ESRRG: variants seen among roughly 807,000 people sequenced by gnomAD.
The protein encoded by ESRRG is estrogen related receptor gamma, also known as estrogen-related receptor gamma.
ESRRG carries 13 observed loss-of-function variants against 44.0 expected under a neutral mutation model. The ratio of observed to expected loss-of-function variants is 0.30; its 90% CI spans 0.19 to 0.47. The LOEUF (loss-of-function observed/expected upper bound fraction) is 0.47, where lower values mean the gene tolerates loss of function less well. ESRRG is among the 20% of genes least tolerant of loss of function. ESRRG has a pLI of 1.00. For synonymous variants in ESRRG, 215 were observed against 214.6 expected, an observed-to-expected ratio of 1.00 and a Z score of -0.02; for missense variants, 395 against 580.6, an observed-to-expected ratio of 0.68 and a Z score of 3.29.
At chr1:217,004,370 G>C (rs1165673775) in intron 1 of ESRRG, among the ~76,000 whole-genome samples, 1 of 152,130 alleles carries the variant, frequency 6.6e-6, no homozygotes, top group Admixed American at 6.5e-5. Context: ...TAGTGGTAGT[G>C]AATAAGTCTC....
intron 1 of ESRRG, among the ~76,000 whole-genome samples, chr1:217,096,272 G>C (rs934648026): frequency 6.6e-6 from 1 of 152,168 alleles, no homozygotes; most frequent in Non-Finnish European, 1.5e-5. Context: ...TTTTAGAAGG[G>C]AGAAAGAGTT....
At chr1:216,918,856 A>G (rs1211202319) in intron 2 of ESRRG, among the ~76,000 whole-genome samples, 1 of 148,302 alleles carries the variant, frequency 6.7e-6, no homozygotes, top group Non-Finnish European at 1.5e-5. Flanking sequence ...ATAATAATAT[A>G]TATATTATAG....
At chr1:217,015,093 C>A (rs145057493) in intron 1 of ESRRG, among the ~76,000 whole-genome samples, 1 of 152,248 alleles carries the variant, frequency 6.6e-6, no homozygotes, top group Non-Finnish European at 1.5e-5. Context: ...AACCCGAATC[C>A]AATCATCTCT....
At chr1:216,569,947 A>G (rs1448180657) in intron 3 of ESRRG, among the ~76,000 whole-genome samples, 1 of 152,190 alleles carries the variant, frequency 6.6e-6, no homozygotes, top group East Asian at 1.9e-4. Context: ...AATACCGATT[A>G]ATGTCACGCA....
intron 3 of ESRRG, among the ~76,000 whole-genome samples, chr1:216,642,072 T>C (rs2066543329): frequency 6.6e-6 from 1 of 152,142 alleles, no homozygotes; most frequent in Non-Finnish European, 1.5e-5. Context: ...AATACATACA[T>C]GAATATTTCT....
intron 2 of ESRRG, among the ~76,000 whole-genome samples, chr1:216,736,862 G>A (rs1199650310): frequency 1.3e-5 from 2 of 152,150 alleles, no homozygotes; most frequent in Non-Finnish European, 2.9e-5. Context: ...ATGCCAAGAT[G>A]TGAGAATAGG....
At chr1:216,771,188 T>A (rs572344160) in intron 2 of ESRRG, among the ~76,000 whole-genome samples, 13 of 152,210 alleles carry the variant, frequency 8.5e-5, no homozygotes, top group Admixed American at 3.3e-4. Flanking sequence ...AACAAAACTA[T>A]CATAATTCAA....
intron 2 of ESRRG, among the ~76,000 whole-genome samples, chr1:216,912,148 AAG>A (rs1434349693): frequency 3.0e-5 from 1 of 33,324 alleles, no homozygotes; most frequent in Non-Finnish European, 5.4e-5. Flanking sequence ...AAGAAAAGAA[AAG>A]AAAAGAAAAG....
intron 3 of ESRRG, among the ~76,000 whole-genome samples, chr1:216,596,530 G>A (rs890773717): frequency 6.6e-6 from 1 of 152,176 alleles, no homozygotes; most frequent in African/African-American, 2.4e-5. Context: ...GCTTGGGAGT[G>A]CAGGGAGGGA....
chr1:217,079,392 G>A (rs998406824), intron 1 of ESRRG, among the ~76,000 whole-genome samples: 35 of 152,326 alleles, frequency 2.3e-4, no homozygotes, highest in East Asian at 1.9e-4. Context: ...GGTAGCACGG[G>A]AGAATGTTCC....
At chr1:216,793,762 T>G (rs1409033802) in intron 2 of ESRRG, among the ~76,000 whole-genome samples, 1 of 152,196 alleles carries the variant, frequency 6.6e-6, no homozygotes, top group East Asian at 1.9e-4. Context: ...GTTTTTGTTT[T>G]GTTTTGCTTT....
At chr1:216,955,409 T>C (rs1373992736) in intron 1 of ESRRG, among the ~76,000 whole-genome samples, 16 of 152,164 alleles carry the variant, frequency 1.1e-4, no homozygotes, top group Non-Finnish European at 4.4e-5. Context: ...TCCATTGTGT[T>C]GATATACCAC....
intron 2 of ESRRG, among the ~76,000 whole-genome samples, chr1:216,880,202 G>A (rs2096421336): frequency 6.7e-6 from 1 of 149,334 alleles, no homozygotes; most frequent in African/African-American, 2.5e-5. Flanking sequence ...AGCTACTCTG[G>A]AGGCTGAGGC....
chr1:216,859,484 T>C (rs1466986889), intron 2 of ESRRG, among the ~76,000 whole-genome samples: 1 of 152,228 alleles, frequency 6.6e-6, no homozygotes, highest in African/African-American at 2.4e-5. Context: ...TTTCAAGTGT[T>C]CAATTGAATA....
chr1:216,849,510 C>T (rs2095809191), intron 2 of ESRRG, among the ~76,000 whole-genome samples: 1 of 151,970 alleles, frequency 6.6e-6, no homozygotes, highest in East Asian at 1.9e-4. Context: ...ACTCAGATTC[C>T]ACTAGTTTCT....
At chr1:216,924,490 G>C (rs1457020457) in intron 2 of ESRRG, among the ~76,000 whole-genome samples, 1 of 152,038 alleles carries the variant, frequency 6.6e-6, no homozygotes, top group Admixed American at 6.6e-5. Flanking sequence ...GCTTCTTCTG[G>C]TTCATTCCAT....
rs374165863 is a variant in ESRRG at position 217,064,662 on chromosome 1, G to T, written c.-106+24845C>A. ...AGCTAACAGGTACAAAATATCAGAA[G>T]TTGTCCAAAATACAGGCATTCCTTA... On this transcript the variant is annotated intron_variant, in intron 1 of 7. Coordinates refer to the ESRRG transcript ENST00000359162. 1.6e-3 allele frequency among the ~76,000 whole-genome samples: 244 copies of T among 152,286 alleles called. 1 individual carries two copies. Among genetic ancestry groups the T allele is most frequent in the African/African-American group, 5.5e-3 (227 of 41,568 alleles).
intron 1 of ESRRG, among the ~76,000 whole-genome samples, chr1:216,696,127 T>C (rs2080112875): frequency 6.6e-6 from 1 of 152,236 alleles, no homozygotes; most frequent in African/African-American, 2.4e-5. Flanking sequence ...TTGTTCTTTT[T>C]CTTTTCTCTG....
intron 1 of ESRRG, among the ~76,000 whole-genome samples, chr1:216,977,964 G>A (rs557033324): frequency 3.3e-5 from 5 of 152,154 alleles, no homozygotes; most frequent in African/African-American, 9.6e-5. Flanking sequence ...TTCCACCATG[G>A]GATGATGCAG....
Sources: gnomAD v4.1 joint callset for allele counts (sites outside exome capture counted in the v4.1 genomes callset) on GRCh38, gnomAD v4.1.1 for gene constraint, MANE v1.5 for transcripts, NCBI Gene and HGNC (gene_info 2026-07-23, HGNC 2026-07-21) for gene names.